The following NPTX2 variants were observed in gnomAD, a reference collection of about 807,000 sequenced individuals.
NPTX2 encodes neuronal pentraxin 2, also known as neuronal pentraxin-2.
NPTX2 carries 23 observed loss-of-function variants against 38.1 expected under a neutral mutation model. The ratio of observed to expected loss-of-function variants is 0.60; its 90% confidence interval spans 0.43 to 0.85. The LOEUF (loss-of-function observed/expected upper bound fraction) is 0.85. Ranked by LOEUF, NPTX2 falls within the 40% of genes least tolerant of loss-of-function variation. The pLI is 0.00. For synonymous variants in NPTX2, 291 were observed against 287.3 expected, an observed-to-expected ratio of 1.01 and a Z score of -0.13; for missense variants, 553 against 615.3, an observed-to-expected ratio of 0.90 and a Z score of 1.07.
chr7:98,619,879 C>T lies in NPTX2; in HGVS notation c.643+20C>T, dbSNP rs1468559480. ...AGCGAGGTGTGTGCCTGGCCTGTTTCTCTGTCTGGCAGTGGCCTGATTTTC... is the reference window on the plus strand; with the variant it reads ...AGCGAGGTGTGTGCCTGGCCTGTTTTTCTGTCTGGCAGTGGCCTGATTTTC... On this transcript the variant is annotated intron_variant, in intron 2 of 4. Coordinates refer to ENST00000265634, the MANE Select transcript of NPTX2 (RefSeq NM_002523.3). 6.2e-7 allele frequency: 1 copy of T among 1,605,726 alleles called. No homozygotes were observed. Among genetic ancestry groups the T allele is most frequent in the African/African-American group, 1.3e-5 (1 of 74,840 alleles).
At position 98,628,606 on chromosome 7, in the gene NPTX2, G is replaced by A. The variant is rs1411020147; in HGVS notation, c.1273G>A (p.Glu425Lys). The change falls in exon 5 of 5, where the codon GAG (glutamate) becomes AAG (lysine). Residue 425 changes from glutamate to lysine, a missense_variant. By Grantham distance (56) the Glu-to-Lys change is moderately conservative. Transcript: ENST00000265634. Reference sequence around the variant, plus strand: ...CTCCAAGTGGCCCGTGGAGACGTGTGAGGAGCGTCTCCTTGACTTGTAGCC... The same window carrying A: ...CTCCAAGTGGCCCGTGGAGACGTGTAAGGAGCGTCTCCTTGACTTGTAGCC... ...GASKWPVETC[E>K]ERLLDL 6.4e-7 allele frequency: 1 copy of A among 1,564,682 alleles called. No individual in the cohort carries two copies. Among genetic ancestry groups the A allele is most frequent in the Non-Finnish European group, 8.7e-7 (1 of 1,146,308 alleles).
chr7:98,617,909 G>A (rs1294559569), intron 1 of NPTX2, 22 bp downstream of exon 1: 3 of 1,539,920 alleles, frequency 1.9e-6, no homozygotes, highest in African/African-American at 1.4e-5. Context: ...CGGGGAGCGC[G>A]GGGGACCTGG....
chr7:98,620,102 G>A (rs965477952), intron 2 of NPTX2: 45 of 554,900 alleles, frequency 8.1e-5, no homozygotes, highest in South Asian at 3.9e-4. Context: ...GCAACCACAC[G>A]GGCGTTTCAG....
rs577661073 is a variant in NPTX2 at position 98,620,924 on chromosome 7, G to A, written c.643+1065G>A. On this transcript the variant is annotated intron_variant, in intron 2 of 4. Transcript: ENST00000265634. The stretch of plus-strand genomic sequence containing the variant: ...GTTGCCATGAGGAGGTGGGTAAATA[G>A]CAGAATAGTGAGCCAGAGCTTCAGT... Among the ~76,000 whole-genome samples, 4 of 152,280 alleles carry A rather than the reference G, an allele frequency of 2.6e-5. No individual in the cohort carries two copies. The East Asian group carries it at 7.7e-4, about 29-fold the overall frequency.
intron 1 of NPTX2, among the ~76,000 whole-genome samples, chr7:98,618,376 AGGGGGCGGAAGTCT>A (rs747102790): frequency 1.3e-5 from 2 of 151,798 alleles, no homozygotes; most frequent in African/African-American, 2.4e-5. Flanking sequence ...GCTGAGCTAG[AGGGGGCGGAAGTCT>A]GGGGGCGGAG....
rs563175983 is a variant in NPTX2, at chr7:98,626,313, C to T, written c.889-852C>T. On this transcript the variant is annotated intron_variant, in intron 3 of 4. Transcript: ENST00000265634. ...GTGGCTACGCAAACTCCCTGCCACC[C>T]GGGCCACCCCTGGTGGAGGCGGGGG... is the stretch of plus-strand genomic sequence containing the variant. Among the ~76,000 whole-genome samples, 37 of 152,192 alleles carry T rather than the reference C, an allele frequency of 2.4e-4. No individual in the cohort carries two copies. In the South Asian group the frequency reaches 4.4e-3, roughly 18 times the overall value.
chr7:98,617,736 C>T lies in NPTX2; in HGVS notation c.275C>T (p.Ala92Val). The change falls in exon 1 of 5, where the codon GCG becomes GTG. Residue 92 changes from alanine to valine, a missense_variant. Ala to Val is a moderately conservative substitution (Grantham distance 64). Coordinates refer to ENST00000265634, the MANE Select transcript of NPTX2 (RefSeq NM_002523.3). ...ATCCGCGAGCTCACGGGCAAGCTAG[C>T]GCGCTGCGAGGGGCTGGCGGGCGGC... is the stretch of plus-strand genomic sequence containing the variant. ...EAIRELTGKL[A>V]RCEGLAGGKA... The T allele has an allele frequency of 7.0e-7, 1 of 1,429,170 alleles. No individual in the cohort carries two copies. The highest frequency in any genetic ancestry group is 9.1e-7 in the Non-Finnish European group (1 of 1,103,848). The allele number at this position is 1,429,170 out of a possible 1,614,324, so 88.5% of individuals were successfully genotyped here. A position where few individuals can be genotyped will look rare whatever the true frequency, so the allele number is the denominator to read the frequency against.
At position 98,624,903 on chromosome 7, in the gene NPTX2, T is replaced by C; in HGVS notation, c.644-19T>C. 6 of 1,601,134 alleles carry C rather than the reference T, an allele frequency of 3.7e-6. No individual in the cohort carries two copies. Among genetic ancestry groups the C allele is most frequent in the Non-Finnish European group, 4.3e-6 (5 of 1,170,398 alleles). ...GGTGGCCTAACGCACTCCTGGCCTC[T>C]CTTCCTCCCAACCCCCAGGCAATAG... On this transcript the variant is annotated intron_variant, in intron 2 of 4. Transcript: ENST00000265634.
chr7:98,628,646 C>T lies in NPTX2; in HGVS notation c.*17C>T. 1 of 1,286,936 alleles carries T rather than the reference C, an allele frequency of 7.8e-7. No homozygotes were observed. Among genetic ancestry groups the T allele is most frequent in the Middle Eastern group, 1.9e-4 (1 of 5,350 alleles). The allele number at this position is 1,286,936 out of a possible 1,614,324, so 79.7% of individuals were successfully genotyped here. ...GACTTGTAGCCGCCTTCTCCTCTGT[C>T]CAGGAGGCCGGGATCAGGCTGTTGC... On this transcript the variant is annotated 3_prime_UTR_variant, in exon 5 of 5. Transcript: ENST00000265634.
rs1353919903 is a variant in NPTX2 at position 98,625,181 on chromosome 7, C to T, written c.888+15C>T. 2 of 1,570,334 alleles carry T rather than the reference C, an allele frequency of 1.3e-6. No individual in the cohort carries two copies. Among genetic ancestry groups the T allele is most frequent in the East Asian group, 2.3e-5 (1 of 44,200 alleles). On this transcript the variant is annotated intron_variant, in intron 3 of 4. Coordinates refer to ENST00000265634, the MANE Select transcript of NPTX2 (RefSeq NM_002523.3). ...TCAACGACAAGGTGAGGCCCGCCTG[C>T]ACCGCCACCCTCCCCAGAACCCATC... is the stretch of plus-strand genomic sequence containing the variant.
intron 3 of NPTX2, 137 bp downstream of exon 3, chr7:98,625,303 C>T: frequency 8.3e-7 from 1 of 1,205,790 alleles, no homozygotes; most frequent in Non-Finnish European, 1.1e-6. Flanking sequence ...GGCTGTCCTC[C>T]TCGAGGTGGG....
At chr7:98,627,109 G>C in intron 3 of NPTX2, 56 bp from the exon 4 acceptor site, 1 of 1,283,250 alleles carries the variant, frequency 7.8e-7, no homozygotes, top group Non-Finnish European at 1.1e-6. Flanking sequence ...TCCTGCCCTG[G>C]GGGACCCTGA....
chr7:98,620,416 G>T (rs907059194), intron 2 of NPTX2, among the ~76,000 whole-genome samples: 2 of 152,144 alleles, frequency 1.3e-5, no homozygotes, highest in Admixed American at 6.5e-5. Context: ...GACTTTGGCC[G>T]AGGTGGGGCA....
At chr7:98,627,108 G>T in intron 3 of NPTX2, 57 bp from the exon 4 acceptor site, 14 of 1,272,100 alleles carry the variant, frequency 1.1e-5, no homozygotes, top group Non-Finnish European at 1.6e-5. Context: ...TTCCTGCCCT[G>T]GGGGACCCTG....
At chr7:98,619,060 A>G (rs1791229499) in intron 1 of NPTX2, among the ~76,000 whole-genome samples, 1 of 152,214 alleles carries the variant, frequency 6.6e-6, no homozygotes, top group Non-Finnish European at 1.5e-5. Context: ...GCAGCCTGCC[A>G]CAGCCTCCAG....
intron 4 of NPTX2, 37 bp downstream of exon 4, chr7:98,627,381 G>A: frequency 2.5e-6 from 4 of 1,582,642 alleles, no homozygotes; most frequent in Non-Finnish European, 3.5e-6. Flanking sequence ...CACAGGGTGG[G>A]TGCAGGATGG....
Position 98,625,104 on chromosome 7 carries a change from G to A in NPTX2, c.826G>A (p.Ala276Thr), listed in dbSNP as rs902138619. Residue 276 changes from alanine to threonine, a missense_variant, in exon 3 of 5, where the codon GCC (alanine) becomes ACC (threonine). Transcript: ENST00000265634. ...TPFSYAVPGQ[A>T]NEIVLIEWGN... ...CTTCTCCTATGCGGTGCCAGGGCAGGCCAACGAGATCGTGCTGATCGAGTG... is the reference window on the plus strand; with the variant it reads ...CTTCTCCTATGCGGTGCCAGGGCAGACCAACGAGATCGTGCTGATCGAGTG... 1.9e-6 allele frequency: 3 copies of A among 1,611,796 alleles called. No individual in the cohort carries two copies. Among genetic ancestry groups the A allele is most frequent in the Non-Finnish European group, 2.5e-6 (3 of 1,179,408 alleles).
chr7:98,625,176 G>A lies in NPTX2; in HGVS notation c.888+10G>A, dbSNP rs778840894. 2.5e-5 allele frequency: 40 copies of A among 1,571,240 alleles called. No individual in the cohort carries two copies. The highest frequency in any genetic ancestry group is 3.5e-5 in the South Asian group (3 of 86,302). The stretch of plus-strand genomic sequence containing the variant: ...GCTCATCAACGACAAGGTGAGGCCC[G>A]CCTGCACCGCCACCCTCCCCAGAAC... On this transcript the variant is annotated intron_variant, in intron 3 of 4. Coordinates refer to ENST00000265634, the MANE Select transcript of NPTX2 (RefSeq NM_002523.3).
chr7:98,617,715 G>A lies in NPTX2; in HGVS notation c.254G>A (p.Arg85His). ...ETLGAQREAI[R>H]ELTGKLARCE... is the part of the protein sequence containing the mutation. ...CTGGGCGCGCAGCGCGAGGCCATCC[G>A]CGAGCTCACGGGCAAGCTAGCGCGC... Residue 85 changes from arginine to histidine, a missense_variant, in exon 1 of 5, where the codon CGC (arginine) becomes CAC (histidine). Coordinates refer to ENST00000265634, the MANE Select transcript of NPTX2 (RefSeq NM_002523.3). 2.1e-6 allele frequency: 3 copies of A among 1,431,628 alleles called. No homozygotes were observed. Among genetic ancestry groups the A allele is most frequent in the Admixed American group, 3.0e-5 (1 of 33,554 alleles). 88.7% of individuals were successfully genotyped at this position (1,431,628 alleles called of 1,614,324 possible).
Sources: allele counts gnomAD v4.1 joint callset (sites outside exome capture counted in the v4.1 genomes callset), GRCh38; gene constraint gnomAD v4.1.1; transcripts MANE v1.5; gene names NCBI Gene and HGNC (gene_info 2026-07-23, HGNC 2026-07-21).